The following NDUFA10 variants were observed in gnomAD, a reference collection of about 807,000 sequenced individuals.
The protein encoded by NDUFA10 is NADH:ubiquinone oxidoreductase subunit A10, also known as NADH dehydrogenase [ubiquinone] 1 alpha subcomplex subunit 10, mitochondrial.
A neutral mutation model predicts 47.8 loss-of-function variants in NDUFA10; 40 were observed. The observed-to-expected ratio is 0.84, with a 90% CI of 0.65 to 1.09. The LOEUF (loss-of-function observed/expected upper bound fraction) is 1.09, where lower values mean the gene tolerates loss of function less well. Among genes scored for constraint, NDUFA10 ranks in the 50% least tolerant of loss-of-function variants. NDUFA10 has a pLI of 0.00. For synonymous variants in NDUFA10, 183 were observed against 172.2 expected (o/e 1.06, Z -0.49); for missense variants, 413 against 451.1 (o/e 0.92, Z 0.76).
chr2:239,993,189 G>A (rs570478739), intron 8 of NDUFA10, among the ~76,000 whole-genome samples: 2 of 152,248 alleles, frequency 1.3e-5, no homozygotes, highest in South Asian at 4.1e-4. Context: ...TACATGAATG[G>A]TGCAGAATCG....
At chr2:240,001,812 C>T (rs1016615342) in intron 8 of NDUFA10, among the ~76,000 whole-genome samples, 1 of 152,200 alleles carries the variant, frequency 6.6e-6, no homozygotes, top group African/African-American at 2.4e-5. Context: ...CAGCTGACTT[C>T]AATGACTCAG....
chr2:239,922,289 A>G (rs1325634356), intron 4 of NDUFA10, among the ~76,000 whole-genome samples: 1 of 152,118 alleles, frequency 6.6e-6, no homozygotes, highest in Non-Finnish European at 1.5e-5. Flanking sequence ...CAGCTGGCCA[A>G]CCCCACAGTC....
chr2:239,923,362 T>C (rs1420040510), intron 4 of NDUFA10, among the ~76,000 whole-genome samples: 1 of 152,110 alleles, frequency 6.6e-6, no homozygotes, highest in Non-Finnish European at 1.5e-5. Flanking sequence ...TCTATACCTA[T>C]GAAAAATTCC....
In NDUFA10 at chr2:239,899,005, T is replaced by A. The variant is rs554747894; in HGVS notation, c.295-3691A>T. On this transcript the variant is annotated intron_variant, in intron 4 of 5. Coordinates refer to the NDUFA10 transcript ENST00000419408. ...ATGATGGAGAGGTGTGATGGAGAGGTGTGATGGAGGGGAGTCATGGAGGGG... is the reference window on the plus strand; with the variant it reads ...ATGATGGAGAGGTGTGATGGAGAGGAGTGATGGAGGGGAGTCATGGAGGGG... 1.6e-3 allele frequency among the ~76,000 whole-genome samples: 123 copies of A among 75,904 alleles called. 3 individuals carry two copies. The highest frequency in any genetic ancestry group is 0.012 in the Middle Eastern group (1 of 86). The allele number at this position is 75,904 out of a possible 152,430, so 49.8% of individuals were successfully genotyped here.
At chr2:239,990,383 T>C (rs1238562540) in intron 8 of NDUFA10, among the ~76,000 whole-genome samples, 1 of 152,236 alleles carries the variant, frequency 6.6e-6, no homozygotes, top group East Asian at 1.9e-4. Flanking sequence ...TTTTTAATAT[T>C]ACTCTCAGAA....
intron 7 of NDUFA10, among the ~76,000 whole-genome samples, chr2:240,006,040 T>C (rs891989936): frequency 2.0e-5 from 3 of 152,234 alleles, no homozygotes; most frequent in Non-Finnish European, 4.4e-5. Flanking sequence ...GCTGGCTGTC[T>C]ACACAGTCTG....
At chr2:239,934,464 T>C (rs1694230018) in intron 4 of NDUFA10, among the ~76,000 whole-genome samples, 1 of 151,468 alleles carries the variant, frequency 6.6e-6, no homozygotes, top group Non-Finnish European at 1.5e-5. Context: ...GACGTCTGGC[T>C]TCTTTTCTCA....
chr2:239,913,793 G>C (rs746748130), intron 4 of NDUFA10, among the ~76,000 whole-genome samples: 6 of 152,246 alleles, frequency 3.9e-5, no homozygotes, highest in Non-Finnish European at 5.9e-5. Flanking sequence ...CTGGCAGGCT[G>C]CATGTTCCAG....
At chr2:239,946,837 A>G (rs1694461409) in intron 4 of NDUFA10, among the ~76,000 whole-genome samples, 1 of 152,260 alleles carries the variant, frequency 6.6e-6, no homozygotes, top group Admixed American at 6.5e-5. Flanking sequence ...CTCTGGGGCC[A>G]GAGGGCCCCA....
intron 4 of NDUFA10, among the ~76,000 whole-genome samples, chr2:239,897,593 G>A (rs578236353): frequency 1.3e-5 from 2 of 152,310 alleles, no homozygotes; most frequent in South Asian, 4.1e-4. Context: ...ATCCATACTT[G>A]ATGAAGTGCT....
intron 9 of NDUFA10, among the ~76,000 whole-genome samples, chr2:239,989,543 G>A (rs988579809): frequency 5.3e-5 from 8 of 152,198 alleles, no homozygotes; most frequent in Middle Eastern, 3.2e-3. Context: ...ACTTACACAC[G>A]CCTCGAACCT....
Position 239,960,472 on chromosome 2 carries a change from T to TG in NDUFA10, c.*645dup. ...GTTTGAGACGCTGAGGACGGCCACG[T>TG]GAATCTTTCTCAACGTCTCTCTTAA... On this transcript the variant is annotated 3_prime_UTR_variant, in exon 10 of 10. Coordinates refer to ENST00000252711, the MANE Select transcript of NDUFA10 (RefSeq NM_004544.4). The TG allele has an allele frequency of 7.1e-6, 7 of 990,010 alleles. No homozygotes were observed. The highest frequency in any genetic ancestry group is 8.4e-6 in the Non-Finnish European group (7 of 832,370). 61.3% of individuals were successfully genotyped at this position (990,010 alleles called of 1,614,324 possible).
At chr2:239,983,822 T>C (rs1272761270) in intron 9 of NDUFA10, 2 of 1,482,480 alleles carry the variant, frequency 1.3e-6, no homozygotes, top group Non-Finnish European at 1.8e-6. Flanking sequence ...AACCAAGAGG[T>C]ACCTAAGGAG....
chr2:240,015,750 T>C (rs1697321517), intron 4 of NDUFA10, among the ~76,000 whole-genome samples: 1 of 152,240 alleles, frequency 6.6e-6, no homozygotes, highest in South Asian at 2.1e-4. Flanking sequence ...CGCCAGTGCA[T>C]GTGGAGAGGC....
rs529633997 is a variant in NDUFA10, at chr2:239,934,933, T to C, written c.295-39619A>G. Reference sequence around the variant, plus strand: ...CTCCCACTGGGGCCTAGGAGTGTAGTTGGTGCAGCTGCCGCGTGCCCACCA... The same window carrying C: ...CTCCCACTGGGGCCTAGGAGTGTAGCTGGTGCAGCTGCCGCGTGCCCACCA... On this transcript the variant is annotated intron_variant, in intron 4 of 5. Transcript: ENST00000419408. 1.1e-4 allele frequency among the ~76,000 whole-genome samples: 16 copies of C among 152,290 alleles called. No homozygotes were observed. The East Asian group carries it at 3.1e-3, about 29-fold the overall frequency.
At chr2:239,897,011 C>A (rs1465217770) in intron 4 of NDUFA10, among the ~76,000 whole-genome samples, 2 of 152,154 alleles carry the variant, frequency 1.3e-5, no homozygotes, top group South Asian at 2.1e-4. Flanking sequence ...TTAAACAAAT[C>A]TTTTCTTTTA....
chr2:240,014,606 T>A, intron 5 of NDUFA10, 133 bp downstream of exon 5: 1 of 1,397,080 alleles, frequency 7.2e-7, no homozygotes, highest in Non-Finnish European at 1.0e-6. Context: ...CTCTCTCAAG[T>A]GGGAACAGGG....
In NDUFA10 at chr2:239,939,101, C is replaced by T. The variant is rs568106277; in HGVS notation, c.295-43787G>A. Among the ~76,000 whole-genome samples the T allele has an allele frequency of 5.9e-5, 9 of 152,316 alleles. No individual in the cohort carries two copies. In the South Asian group the frequency reaches 6.2e-4, roughly 11 times the overall value. On this transcript the variant is annotated intron_variant, in intron 4 of 5. Coordinates refer to the NDUFA10 transcript ENST00000419408. The stretch of plus-strand genomic sequence containing the variant: ...GCAGACGTAAGCTGGTGGCCCTGAG[C>T]GCCCAGGCGTGGGGAGGATCCTCGG...
chr2:239,975,348 A>G (rs1695477320), intron 9 of NDUFA10, among the ~76,000 whole-genome samples: 1 of 152,210 alleles, frequency 6.6e-6, no homozygotes, highest in African/African-American at 2.4e-5. Flanking sequence ...CCAGTCTCAG[A>G]CATTTATTTA....
Sources: allele counts gnomAD v4.1 joint callset (sites outside exome capture counted in the v4.1 genomes callset), GRCh38; gene constraint gnomAD v4.1.1; transcripts MANE v1.5; gene names NCBI Gene and HGNC (gene_info 2026-07-23, HGNC 2026-07-21).